SLC49A3: variants seen among roughly 807,000 people sequenced by gnomAD.
SLC49A3 encodes solute carrier family 49 member A3.
Under a neutral mutation model 43.8 loss-of-function variants are expected in SLC49A3, and 50 were observed. The observed-to-expected ratio is 1.14, with a 90% CI of 0.91 to 1.45. The LOEUF is 1.45. SLC49A3 is among the 40% of genes most tolerant of loss of function. SLC49A3 has a pLI of 0.00. For synonymous variants in SLC49A3, 413 were observed against 352.0 expected (o/e 1.17, Z -1.94); for missense variants, 906 against 774.1 (o/e 1.17, Z -2.02).
rs555057709 is a variant in SLC49A3, at chr4:685,466, G to T, written c.585+369C>A. ...TGTCATCCTAGCACTTTGGGAAGCC[G>T]AGGCAGACGGATCATGAGGTCAGGA... On this transcript the variant is annotated intron_variant, in intron 4 of 9. Transcript: ENST00000322224. The surrounding 1 kb of genome is among the most constrained non-coding windows in gnomAD (Gnocchi z 4.3). Among the ~76,000 whole-genome samples the T allele has an allele frequency of 6.6e-6, 1 of 151,950 alleles. No homozygotes were observed. The highest frequency in any genetic ancestry group is 1.5e-5 in the Non-Finnish European group (1 of 68,002).
rs1300692598 is a variant in SLC49A3 at position 684,842 on chromosome 4, G to C, written c.600C>G (p.Thr200=). ...EDIPLMLGVY[T]IPAGVVCLLS... The stretch of plus-strand genomic sequence containing the variant: ...GCAGGCAGACGACGCCAGCAGGGAT[G>C]GTATAGACACCGAGCTGGGGAGGGG... The change falls in exon 5 of 10, where the codon ACC becomes ACG. Residue 200 remains threonine (T), a synonymous_variant. Coordinates refer to ENST00000322224, the MANE Select transcript of SLC49A3 (RefSeq NM_032219.4). 1 of 1,612,060 alleles carries C rather than the reference G, an allele frequency of 6.2e-7. No individual in the cohort carries two copies.
In SLC49A3 at chr4:685,771, AAC is replaced by A; in HGVS notation, c.585+62_585+63del. 4 of 1,548,892 alleles carry A rather than the reference AAC, an allele frequency of 2.6e-6. No individual in the cohort carries two copies. Among genetic ancestry groups the A allele is most frequent in the Non-Finnish European group, 3.6e-6 (4 of 1,122,998 alleles). On this transcript the variant is annotated intron_variant, in intron 4 of 9. Coordinates refer to ENST00000322224, the MANE Select transcript of SLC49A3 (RefSeq NM_032219.4). The surrounding 1 kb of genome is among the most constrained non-coding windows in gnomAD (Gnocchi z 4.3). ...GAACACGGACACACTTGGGATCAGGAACACACAGACGTGCATGCGCACACACC... is the reference window on the plus strand; with the variant it reads ...GAACACGGACACACTTGGGATCAGGAACACAGACGTGCATGCGCACACACC...
At chr4:686,336 CGCT>C in intron 2 of SLC49A3, 34 bp from the exon 3 acceptor site, 1 of 1,605,952 alleles carries the variant, frequency 6.2e-7, no homozygotes, top group South Asian at 1.1e-5. Flanking sequence ...GGGTCAGGAA[CGCT>C]GCCACCAGCC....
At chr4:690,264 C>T (rs1185349263), upstream of SLC49A3, among the ~76,000 whole-genome samples, 1 of 151,342 alleles carries the variant, frequency 6.6e-6, no homozygotes, top group East Asian at 1.9e-4. Context: ...GAAAATGGAG[C>T]TCACCCGGGG....
chr4:683,581 G>T (rs778730616), intron 7 of SLC49A3, 28 bp downstream of exon 7: 2 of 1,594,648 alleles, frequency 1.3e-6, no homozygotes, highest in East Asian at 4.5e-5. Flanking sequence ...ACCCCCACAG[G>T]GCAGTCTTGG....
chr4:678,555 T>C (rs1739093371), downstream of SLC49A3: 2 of 1,489,866 alleles, frequency 1.3e-6, no homozygotes, highest in Non-Finnish European at 1.8e-6. Flanking sequence ...CCCGAAGGGC[T>C]GAGGTCCACC....
Position 682,348 on chromosome 4 carries a change from G to A in SLC49A3, c.1290C>T (p.Cys430=). The change falls in exon 10 of 10, where the codon TGC becomes TGT. Residue 430 remains cysteine (C), a synonymous_variant. Coordinates refer to ENST00000322224, the MANE Select transcript of SLC49A3 (RefSeq NM_032219.4). ...CCGCCAGGATGCAGCTGAAGAAGGT[G>A]CACAGGCCGGCCATCAGCAGCAGAG... is the stretch of plus-strand genomic sequence containing the variant. ...TVSLLLMAGL[C]TFFSCILAVF... 7.4e-7 allele frequency: 1 copy of A among 1,345,094 alleles called. No homozygotes were observed. Among genetic ancestry groups the A allele is most frequent in the Non-Finnish European group, 9.6e-7 (1 of 1,038,262 alleles). 83.3% of individuals were successfully genotyped at this position (1,345,094 alleles called of 1,614,324 possible).
chr4:681,617 GCCGCCCCGCCCCCTC>G (rs1739577060), downstream of SLC49A3, among the ~76,000 whole-genome samples: 5 of 57,036 alleles, frequency 8.8e-5, no homozygotes, highest in African/African-American at 2.8e-4. Context: ...CCCCTCCAGC[GCCGCCCCGCCCCCTC>G]CAGCGCCGCC....
At chr4:681,660 GCCC>G (rs1319957094), downstream of SLC49A3, among the ~76,000 whole-genome samples, 4 of 6,666 alleles carry the variant, frequency 6.0e-4, no homozygotes, top group Non-Finnish European at 8.2e-4. Context: ...CTCCAGCGCC[GCCC>G]CGCCCCCTCC....
At chr4:690,203 C>T (rs563579820), upstream of SLC49A3, among the ~76,000 whole-genome samples, 1 of 151,890 alleles carries the variant, frequency 6.6e-6, no homozygotes, top group East Asian at 1.9e-4. Flanking sequence ...AGATAGAGCT[C>T]TCCACTTTGG....
At chr4:681,054 C>T (rs779649921), downstream of SLC49A3, 4 of 1,568,668 alleles carry the variant, frequency 2.5e-6, no homozygotes, top group East Asian at 4.7e-5. Flanking sequence ...TCCTGCACCC[C>T]CGCATCAGCC....
chr4:680,585 G>A, downstream of SLC49A3: 3 of 1,612,654 alleles, frequency 1.9e-6, no homozygotes, highest in South Asian at 1.1e-5. Flanking sequence ...TCAACAAGGA[G>A]TAGTGAGTGC....
In SLC49A3 at chr4:682,250, C is replaced by T. The variant is rs1739876706; in HGVS notation, c.1388G>A (p.Gly463Asp). The T allele has an allele frequency of 1.4e-6, 2 of 1,383,426 alleles. No individual in the cohort carries two copies. Among genetic ancestry groups the T allele is most frequent in the South Asian group, 3.6e-5 (2 of 55,818 alleles). The allele number at this position is 1,383,426 out of a possible 1,614,324, so 85.7% of individuals were successfully genotyped here. The change falls in exon 10 of 10, where the codon GGC becomes GAC. Residue 463 changes from glycine (G) to aspartate (D), a missense_variant. By Grantham distance (94) the Gly-to-Asp change is moderately conservative. Transcript: ENST00000322224. ...GEPPSTRNAV[G>D]GADSGPGVDR... ...CACACCCGGCCCTGAGTCTGCGCCG[C>T]CCACGGCGTTACGGGTGGAGGGGGG...
At chr4:678,078 G>A (rs763612974), downstream of SLC49A3, 1 of 1,608,858 alleles carries the variant, frequency 6.2e-7, no homozygotes, top group Non-Finnish European at 8.5e-7. Flanking sequence ...GGTGTGAGCT[G>A]TGCTGTGCAT....
Position 684,977 on chromosome 4 carries a change from A to G in SLC49A3, c.586-121T>C. On this transcript the variant is annotated intron_variant, in intron 4 of 9. Coordinates refer to ENST00000322224, the MANE Select transcript of SLC49A3 (RefSeq NM_032219.4). ...CTGCCCCACCACCGGCTGCCTCCCA[A>G]CCTCTGGTCTGCAGCTGCCCTTTGC... 3 of 1,358,362 alleles carry G rather than the reference A, an allele frequency of 2.2e-6. No homozygotes were observed. The South Asian group carries it at 4.2e-5, about 19-fold the overall frequency. 84.1% of individuals were successfully genotyped at this position (1,358,362 alleles called of 1,614,324 possible).
downstream of SLC49A3, chr4:678,789 G>A (rs1466493275): frequency 1.2e-6 from 2 of 1,607,656 alleles, no homozygotes; most frequent in Non-Finnish European, 1.7e-6. Flanking sequence ...GCTTCACTGG[G>A]AGCCCCCACC....
chr4:680,189 C>G (rs1334493757), downstream of SLC49A3, among the ~76,000 whole-genome samples: 3 of 152,176 alleles, frequency 2.0e-5, no homozygotes, highest in Admixed American at 2.0e-4. Context: ...GCCATGTGCT[C>G]AGGCCCGCCC....
downstream of SLC49A3, chr4:678,150 C>T (rs142773429): frequency 8.9e-5 from 138 of 1,548,048 alleles, 2 homozygotes; most frequent in East Asian, 2.6e-3. Flanking sequence ...CAGGTGTGGG[C>T]GTGTGCTCTG....
At chr4:681,258 AAC>A (rs1434404005), downstream of SLC49A3, 2 of 1,247,630 alleles carry the variant, frequency 1.6e-6, no homozygotes, top group Non-Finnish European at 2.2e-6. Flanking sequence ...CCCAGGACAG[AAC>A]AGGCCCCCGG....
Sources: gnomAD v4.1 joint callset for allele counts (sites outside exome capture counted in the v4.1 genomes callset) on GRCh38, gnomAD v4.1.1 for gene constraint, Gnocchi (gnomAD v3.1) non-coding constraint, MANE v1.5 for transcripts, NCBI Gene and HGNC (gene_info 2026-07-23, HGNC 2026-07-21) for gene names.